Variants in ZNF254 observed in about 807,000 individuals in gnomAD.
ZNF254 encodes CTD-2017D11.1.
Under a neutral mutation model 12.4 loss-of-function variants are expected in ZNF254, and 10 were observed. The observed-to-expected ratio is 0.80, with a 90% confidence interval of 0.50 to 1.36. The LOEUF (loss-of-function observed/expected upper bound fraction) is 1.36. Among genes scored for constraint, ZNF254 ranks in the 40% most tolerant of loss-of-function variants. ZNF254 has a pLI of 0.00. For missense variants in ZNF254, 996 were observed against 763.9 expected (o/e 1.30, Z -3.58); for synonymous variants, 305 against 253.4 (o/e 1.20, Z -1.93).
In ZNF254 at chr19:24,128,041, G is replaced by A; in HGVS notation, c.*61G>A. 1 of 1,442,990 alleles carries A rather than the reference G, an allele frequency of 6.9e-7. No homozygotes were observed. Among genetic ancestry groups the A allele is most frequent in the East Asian group, 2.3e-5 (1 of 42,610 alleles). 89.4% of individuals were successfully genotyped at this position (1,442,990 alleles called of 1,614,324 possible). ...TAATAGATATAAGATTATTCCTACTGGAGAGAAACTACAAACCTGAGAGAG... is the reference window on the plus strand; with the variant it reads ...TAATAGATATAAGATTATTCCTACTAGAGAGAAACTACAAACCTGAGAGAG... On this transcript the variant is annotated 3_prime_UTR_variant, in exon 4 of 4. Coordinates refer to ENST00000357002, the MANE Select transcript of ZNF254 (RefSeq NM_203282.4).
At chr19:24,049,245 T>A (rs1970555986) in intron 2 of ZNF254, among the ~76,000 whole-genome samples, 1 of 144,770 alleles carries the variant, frequency 6.9e-6, no homozygotes. Context: ...TATTTATTAT[T>A]TTTTAATATA....
chr19:24,068,689 G>A (rs1299660841), intron 2 of ZNF254, among the ~76,000 whole-genome samples: 1 of 152,136 alleles, frequency 6.6e-6, no homozygotes, highest in East Asian at 1.9e-4. Context: ...TCTGGTCCTT[G>A]CCTTCAAAAA....
chr19:24,036,926 A>G (rs1969988549), intron 1 of ZNF254, among the ~76,000 whole-genome samples: 1 of 152,206 alleles, frequency 6.6e-6, no homozygotes, highest in Non-Finnish European at 1.5e-5. Context: ...ATTACTCTAT[A>G]GTGGCTTTAC....
At chr19:24,046,018 G>A (rs186937051) in intron 1 of ZNF254, among the ~76,000 whole-genome samples, 67 of 151,806 alleles carry the variant, frequency 4.4e-4, no homozygotes, top group Non-Finnish European at 9.0e-4. Flanking sequence ...ATTTCTAAAC[G>A]TAAAATACTT....
At chr19:24,091,851 G>T (rs912305784) in intron 1 of ZNF254, 2 of 981,486 alleles carry the variant, frequency 2.0e-6, no homozygotes, top group Non-Finnish European at 2.4e-6. Flanking sequence ...ATGAAACTTG[G>T]TACCTCCTAG....
At chr19:24,093,462 T>A (rs1342712402) in intron 1 of ZNF254, among the ~76,000 whole-genome samples, 1 of 152,218 alleles carries the variant, frequency 6.6e-6, no homozygotes, top group East Asian at 1.9e-4. Flanking sequence ...GAGTTGATTT[T>A]TGTATATGGT....
chr19:24,065,767 T>C (rs1375785533), intron 2 of ZNF254: 1 of 152,202 alleles, frequency 6.6e-6, no homozygotes, highest in Non-Finnish European at 1.5e-5. Context: ...TGTACCCATG[T>C]TATGACTCTC....
intron 2 of ZNF254, among the ~76,000 whole-genome samples, chr19:24,067,919 ACT>A (rs2145461954): frequency 6.6e-6 from 1 of 152,072 alleles, no homozygotes; most frequent in Non-Finnish European, 1.5e-5. Context: ...TAGTGATGTG[ACT>A]CTTCATCAGC....
chr19:24,126,188 T>A, intron 3 of ZNF254, 66 bp from the exon 4 acceptor site: 1 of 1,137,374 alleles, frequency 8.8e-7, no homozygotes, highest in Non-Finnish European at 1.2e-6. Flanking sequence ...ATAGGTAAGA[T>A]TTTTAAACTA....
At chr19:24,056,899 C>T (rs991055684) in intron 2 of ZNF254, among the ~76,000 whole-genome samples, 7 of 152,196 alleles carry the variant, frequency 4.6e-5, no homozygotes, top group Admixed American at 1.3e-4. Context: ...TGTGACATAT[C>T]CCTGGCCTAT....
intron 3 of ZNF254, among the ~76,000 whole-genome samples, chr19:24,114,203 A>C (rs1299428394): frequency 6.6e-6 from 1 of 152,224 alleles, no homozygotes; most frequent in Non-Finnish European, 1.5e-5. Context: ...GAACCAAAAA[A>C]GAGCCCGCAT....
At chr19:24,091,572 A>G (rs1003838207) in intron 1 of ZNF254, among the ~76,000 whole-genome samples, 1 of 152,082 alleles carries the variant, frequency 6.6e-6, no homozygotes, top group African/African-American at 2.4e-5. Flanking sequence ...AGCTCACTGC[A>G]ACCTCCAATT....
intron 1 of ZNF254, among the ~76,000 whole-genome samples, chr19:24,103,074 A>G (rs1242845188): frequency 2.0e-5 from 3 of 152,330 alleles, no homozygotes; most frequent in Non-Finnish European, 4.4e-5. Context: ...TTGCATTAAT[A>G]CATGTGCACA....
At chr19:24,039,059 A>T (rs973911582) in intron 1 of ZNF254, among the ~76,000 whole-genome samples, 52 of 152,190 alleles carry the variant, frequency 3.4e-4, no homozygotes, top group Non-Finnish European at 1.5e-4. Flanking sequence ...AGTCCAGCTA[A>T]TAGGGTTCTC....
At chr19:24,069,445 A>G (rs1971399783) in intron 2 of ZNF254, among the ~76,000 whole-genome samples, 3 of 149,492 alleles carry the variant, frequency 2.0e-5, no homozygotes, top group Admixed American at 1.3e-4. Context: ...CATCTCTACT[A>G]AAAATATAAG....
chr19:24,107,547 G>C (rs971453040), intron 3 of ZNF254, among the ~76,000 whole-genome samples: 1 of 151,772 alleles, frequency 6.6e-6, no homozygotes, highest in South Asian at 2.1e-4. Context: ...CTAATTAACT[G>C]AGTGTATTCA....
intron 2 of ZNF254, chr19:24,063,995 G>A (rs1971177403): frequency 6.6e-6 from 1 of 152,146 alleles, no homozygotes; most frequent in Non-Finnish European, 1.5e-5. Flanking sequence ...CCTGGGCCAT[G>A]CCCACAGAAT....
Position 24,127,486 on chromosome 19 carries a change from G to A in ZNF254, c.1486G>A (p.Gly496Ser). ...GAAACCCTACAAATGTGAAGAATGT[G>A]GCAAATCTTTTAGCCAATCCTCAAC... is the stretch of plus-strand genomic sequence containing the variant. Reference protein sequence around the residue: ...GEKPYKCEECGKSFSQSSTLT... With the variant: ...GEKPYKCEECSKSFSQSSTLT... The change falls in exon 4 of 4, where the codon GGC becomes AGC. Residue 496 changes from glycine (G) to serine (S), a missense_variant. Transcript: ENST00000357002. 1.2e-6 allele frequency: 2 copies of A among 1,613,398 alleles called. No homozygotes were observed. Among genetic ancestry groups the A allele is most frequent in the Non-Finnish European group, 8.5e-7 (1 of 1,179,802 alleles).
At chr19:24,106,320 T>A (rs1599722113) in intron 2 of ZNF254, 4 of 550,032 alleles carry the variant, frequency 7.3e-6, no homozygotes, top group Admixed American at 4.1e-5. Context: ...TGTTACATCT[T>A]AAAATCCATT....
Sources: gnomAD v4.1 joint callset for allele counts (sites outside exome capture counted in the v4.1 genomes callset) on GRCh38, gnomAD v4.1.1 for gene constraint, MANE v1.5 for transcripts, NCBI Gene and HGNC (gene_info 2026-07-23, HGNC 2026-07-21) for gene names.